GATA3: variants seen among roughly 807,000 people sequenced by gnomAD.
The protein encoded by GATA3 is GATA binding protein 3, also known as trans-acting T-cell-specific transcription factor GATA-3.
A neutral mutation model predicts 36.0 loss-of-function variants in GATA3; 6 were observed. That is an observed-to-expected ratio of 0.17 (90% CI 0.09 to 0.33). GATA3 has a LOEUF of 0.33. Ranked by LOEUF, GATA3 falls within the 10% of genes least tolerant of loss-of-function variation. GATA3 has a pLI of 1.00. For synonymous variants in GATA3, 326 were observed against 273.0 expected (o/e 1.19, Z -1.92); for missense variants, 514 against 610.1 (o/e 0.84, Z 1.66).
At chr10:8,069,372 T>G in intron 4 of GATA3, 101 bp from the exon 5 acceptor site, 1 of 1,227,798 alleles carries the variant, frequency 8.1e-7, no homozygotes, top group Non-Finnish European at 1.2e-6. Context: ...CAATGATAAT[T>G]TCTTCCTTCC....
At chr10:8,070,446 TA>T (rs1832913554) in intron 5 of GATA3, among the ~76,000 whole-genome samples, 1 of 152,130 alleles carries the variant, frequency 6.6e-6, no homozygotes, top group Non-Finnish European at 1.5e-5. Flanking sequence ...GCTTCAAGTT[TA>T]CATTAACTCT....
intron 3 of GATA3, among the ~76,000 whole-genome samples, chr10:8,060,441 G>A (rs71481756): frequency 4.6e-5 from 7 of 152,148 alleles, no homozygotes; most frequent in Non-Finnish European, 8.8e-5. Context: ...AAGAAGTGGG[G>A]TGCAGCTTGA....
At chr10:8,064,164 C>G in intron 4 of GATA3, 26 bp downstream of exon 4, 2 of 1,613,932 alleles carry the variant, frequency 1.2e-6, no homozygotes, top group Non-Finnish European at 1.7e-6. Context: ...GGGATGGATT[C>G]CATGCTGACC....
At chr10:8,056,026 C>CA in intron 2 of GATA3, 130 bp downstream of exon 2, 9 of 1,307,896 alleles carry the variant, frequency 6.9e-6, no homozygotes, top group Non-Finnish European at 8.5e-6. Flanking sequence ...GGTTCATTTA[C>CA]AAAAAAATTG....
intron 1 of GATA3, chr10:8,045,641 C>G (rs935142216): frequency 1.3e-5 from 2 of 152,242 alleles, no homozygotes; most frequent in African/African-American, 2.4e-5. Context: ...TAAACTAGAA[C>G]CCAGTTCTTA....
At chr10:8,064,567 G>C (rs146978433) in intron 4 of GATA3, among the ~76,000 whole-genome samples, 1 of 152,130 alleles carries the variant, frequency 6.6e-6, no homozygotes, top group Admixed American at 6.5e-5. Context: ...ATCCAGAATG[G>C]GTTCCTGAAG....
In GATA3 at chr10:8,075,066, C is replaced by CA. The variant is rs757378779; in HGVS notation, c.*1044dup. ...GTGCATGTCAGCGACCCTGGCCCGA[C>CA]AGGCCACGTCCTGCAATCGGCCCGG... is the stretch of plus-strand genomic sequence containing the variant. On this transcript the variant is annotated 3_prime_UTR_variant, in exon 6 of 6. Transcript: ENST00000379328. 4.3e-6 allele frequency: 1 copy of CA among 233,162 alleles called. No homozygotes were observed. The highest frequency in any genetic ancestry group is 8.5e-6 in the Non-Finnish European group (1 of 118,034). 14.4% of individuals were successfully genotyped at this position (233,162 alleles called of 1,614,324 possible).
chr10:8,052,282 C>G (rs1291408563), upstream of GATA3: 1 of 151,938 alleles, frequency 6.6e-6, no homozygotes, highest in Non-Finnish European at 1.5e-5. Flanking sequence ...GTGGGGGTTG[C>G]CCTTCTCCAT....
Position 8,058,151 on chromosome 10 carries a change from C to CG in GATA3, c.242-150dup, listed in dbSNP as rs1437148022. Reference sequence around the variant, plus strand: ...CCCCAGGTGTGCCAGGCAGGTACTCCGGGGACCGCCAGGATGAGAGAGTGG... The same window carrying CG: ...CCCCAGGTGTGCCAGGCAGGTACTCCGGGGGACCGCCAGGATGAGAGAGTGG... On this transcript the variant is annotated intron_variant, in intron 2 of 5. Transcript: ENST00000379328. Among the ~76,000 whole-genome samples, 9 of 152,126 alleles carry CG rather than the reference C, an allele frequency of 5.9e-5. No individual in the cohort carries two copies. In the East Asian group the frequency reaches 1.5e-3, roughly 26 times the overall value.
intron 5 of GATA3, among the ~76,000 whole-genome samples, 197 bp from the exon 6 acceptor site, chr10:8,073,542 G>T (rs775188070): frequency 1.3e-5 from 2 of 152,022 alleles, no homozygotes; most frequent in African/African-American, 4.8e-5. Flanking sequence ...CTGTAATCTG[G>T]TAACTGTATG....
chr10:8,049,785 A>G (rs907728703), upstream of GATA3, among the ~76,000 whole-genome samples: 1 of 152,178 alleles, frequency 6.6e-6, no homozygotes, highest in African/African-American at 2.4e-5. Flanking sequence ...GCGCGCTCCA[A>G]TACCCGGGAT....
intron 4 of GATA3, among the ~76,000 whole-genome samples, chr10:8,066,696 C>A (rs1305469921): frequency 6.6e-6 from 1 of 152,162 alleles, no homozygotes; most frequent in Non-Finnish European, 1.5e-5. Context: ...CTCATAGATT[C>A]TTTTCCCCCT....
chr10:8,055,408 C>T lies in GATA3; in HGVS notation c.-248C>T, dbSNP rs908659563. 2.2e-5 allele frequency: 13 copies of T among 579,268 alleles called. No individual in the cohort carries two copies. The highest frequency in any genetic ancestry group is 3.7e-5 in the Non-Finnish European group (12 of 325,762). The allele number at this position is 579,268 out of a possible 1,614,324, so 35.9% of individuals were successfully genotyped here. A position where few individuals can be genotyped will look rare whatever the true frequency, so the allele number is the denominator to read the frequency against. ...CCTGGTCCCGTTTTATTCTGCCGTA[C>T]CCAGTTTTTGGATTTTTGTCTTCCC... On this transcript the variant is annotated 5_prime_UTR_variant, in exon 2 of 6. Coordinates refer to ENST00000379328, the MANE Select transcript of GATA3 (RefSeq NM_001002295.2). The surrounding 1 kb of genome is among the most constrained non-coding windows in gnomAD (Gnocchi z 5.4).
chr10:8,061,842 G>A (rs1314181087), intron 3 of GATA3, among the ~76,000 whole-genome samples: 2 of 152,192 alleles, frequency 1.3e-5, no homozygotes, highest in East Asian at 3.9e-4. Context: ...GAGCCGGGTG[G>A]CAACCACGCT....
intron 3 of GATA3, among the ~76,000 whole-genome samples, chr10:8,062,515 C>T (rs150934114): frequency 3.9e-5 from 6 of 151,954 alleles, no homozygotes; most frequent in African/African-American, 1.2e-4. Flanking sequence ...AAGTGTGAAC[C>T]CCCCTAGTTC....
chr10:8,046,852 A>C (rs1269008544), intron 1 of GATA3, among the ~76,000 whole-genome samples: 1 of 152,066 alleles, frequency 6.6e-6, no homozygotes, highest in East Asian at 1.9e-4. Context: ...GGGATCAAGC[A>C]GGAGGCCCTG....
At chr10:8,069,727 C>T in intron 5 of GATA3, 129 bp downstream of exon 5, 1 of 1,132,598 alleles carries the variant, frequency 8.8e-7, no homozygotes, top group Non-Finnish European at 1.3e-6. Context: ...ATAATTGATG[C>T]AATAGGACCT....
intron 4 of GATA3, among the ~76,000 whole-genome samples, chr10:8,068,746 C>A (rs1832884863): frequency 6.6e-6 from 1 of 152,160 alleles, no homozygotes; most frequent in Admixed American, 6.5e-5. Flanking sequence ...GAGCGAGACT[C>A]CATCTCAAAA....
upstream of GATA3, chr10:8,050,556 G>A (rs1832458215): frequency 5.8e-6 from 1 of 171,464 alleles, no homozygotes; most frequent in Non-Finnish European, 1.2e-5. Flanking sequence ...AGGGCCTCGG[G>A]CCGTGCTGCA....
Sources: allele counts gnomAD v4.1 joint callset (sites outside exome capture counted in the v4.1 genomes callset), GRCh38; gene constraint gnomAD v4.1.1; non-coding constraint Gnocchi (gnomAD v3.1); transcripts MANE v1.5; gene names NCBI Gene and HGNC (gene_info 2026-07-23, HGNC 2026-07-21).